The following LHCGR variants were observed in gnomAD, a reference collection of about 807,000 sequenced individuals.
The protein encoded by LHCGR is lutropin-choriogonadotropic hormone receptor.
Under a neutral mutation model 60.7 loss-of-function variants are expected in LHCGR, and 55 were observed. That is an observed-to-expected ratio of 0.91 (90% CI 0.73 to 1.13). The LOEUF (loss-of-function observed/expected upper bound fraction) is 1.13, where lower values mean the gene tolerates loss of function less well. Among genes scored for constraint, LHCGR ranks in the 50% most tolerant of loss-of-function variants. The pLI, the probability that LHCGR is intolerant of heterozygous loss-of-function variation, is 0.00. For missense variants in LHCGR, 862 were observed against 836.0 expected (o/e 1.03, Z -0.38); for synonymous variants, 337 against 316.5 (o/e 1.06, Z -0.69).
intron 7 of LHCGR, among the ~76,000 whole-genome samples, chr2:48,711,553 G>A (rs1489560167): frequency 2.6e-5 from 4 of 152,140 alleles, no homozygotes; most frequent in South Asian, 2.1e-4. Context: ...CATAGTTCAC[G>A]TCCATTTTGG....
intron 8 of LHCGR, among the ~76,000 whole-genome samples, chr2:48,703,457 T>G (rs1158198378): frequency 2.0e-5 from 3 of 152,136 alleles, no homozygotes; most frequent in Non-Finnish European, 4.4e-5. Context: ...GTATAAGGGT[T>G]TAAGGAAGGG....
At chr2:48,696,458 T>C (rs998261589) in intron 9 of LHCGR, among the ~76,000 whole-genome samples, 4 of 152,200 alleles carry the variant, frequency 2.6e-5, no homozygotes, top group African/African-American at 9.6e-5. Context: ...AAGTTTCAAA[T>C]AGACTTATAT....
chr2:48,704,662 C>G (rs555769861), intron 8 of LHCGR, among the ~76,000 whole-genome samples: 28 of 152,282 alleles, frequency 1.8e-4, no homozygotes, highest in Non-Finnish European at 2.9e-4. Context: ...TCTAGATTTT[C>G]TAGTTTATTT....
chr2:48,708,838 G>A lies in LHCGR; in HGVS notation c.680+110C>T, dbSNP rs543299776. Reference sequence around the variant, plus strand: ...CTTTCCAACAGCAGCCTTTTCAGGTGTAGAGGCTGATGTCTCACATATCAG... The same window carrying A: ...CTTTCCAACAGCAGCCTTTTCAGGTATAGAGGCTGATGTCTCACATATCAG... On this transcript the variant is annotated intron_variant, in intron 8 of 10. Transcript: ENST00000294954. The A allele has an allele frequency of 1.3e-5, 11 of 861,984 alleles. No individual in the cohort carries two copies. The East Asian group carries it at 2.4e-4, about 19-fold the overall frequency. The allele number at this position is 861,984 out of a possible 1,614,324, so 53.4% of individuals were successfully genotyped here.
At chr2:48,697,125 C>T (rs1450222241) in intron 9 of LHCGR, among the ~76,000 whole-genome samples, 9 of 152,172 alleles carry the variant, frequency 5.9e-5, no homozygotes, top group Non-Finnish European at 1.0e-4. Flanking sequence ...TTCCATGTGT[C>T]CATGTTTCAA....
Position 48,731,908 on chromosome 2 carries a change from A to G in LHCGR, c.162-610T>C, listed in dbSNP as rs182191129. On this transcript the variant is annotated intron_variant, in intron 1 of 10. Transcript: ENST00000294954. ...TCTTTCCCAGGTAGCCTATTTCAAT[A>G]TTATTCCAAAGAGACAACTTTGATC... 1.9e-4 allele frequency among the ~76,000 whole-genome samples: 29 copies of G among 152,316 alleles called. 1 individual carries two copies. Among genetic ancestry groups the G allele is most frequent in the Admixed American group, 1.4e-3 (21 of 15,300 alleles).
intron 1 of LHCGR, among the ~76,000 whole-genome samples, chr2:48,733,727 C>T (rs1471482042): frequency 6.6e-6 from 1 of 151,736 alleles, no homozygotes; most frequent in Non-Finnish European, 1.5e-5. Context: ...GAATGTGGTC[C>T]TGTGAATCGA....
rs998869890 is a variant in LHCGR, at chr2:48,705,176, C to T, written c.680+3772G>A. ...AGTAGTCATTCAGGAGCAGGTTGTTCAGTTTCTATGTAGTTGTGCGGTTTT... is the reference window on the plus strand; with the variant it reads ...AGTAGTCATTCAGGAGCAGGTTGTTTAGTTTCTATGTAGTTGTGCGGTTTT... On this transcript the variant is annotated intron_variant, in intron 8 of 10. Coordinates refer to ENST00000294954, the MANE Select transcript of LHCGR (RefSeq NM_000233.4). 2.6e-5 allele frequency among the ~76,000 whole-genome samples: 4 copies of T among 152,128 alleles called. 1 individual carries two copies. The South Asian group carries it at 6.2e-4, about 24-fold the overall frequency.
intron 10 of LHCGR, among the ~76,000 whole-genome samples, chr2:48,693,486 A>G (rs1443656365): frequency 6.6e-6 from 1 of 152,236 alleles, no homozygotes; most frequent in African/African-American, 2.4e-5. Context: ...GGAGATTGAT[A>G]GGAAAAGAAA....
chr2:48,715,679 T>G (rs1249402483), intron 6 of LHCGR, among the ~76,000 whole-genome samples: 1 of 152,164 alleles, frequency 6.6e-6, no homozygotes, highest in African/African-American at 2.4e-5. Context: ...CAACAGCATG[T>G]ATGTACTCTG....
chr2:48,749,258 G>C (rs965262932), intron 1 of LHCGR, among the ~76,000 whole-genome samples: 1 of 152,178 alleles, frequency 6.6e-6, no homozygotes, highest in East Asian at 1.9e-4. Flanking sequence ...GAGTACATGA[G>C]GACCCTGTGG....
chr2:48,688,909 G>T lies in LHCGR; in HGVS notation c.948-60C>A. 8 of 1,493,414 alleles carry T rather than the reference G, an allele frequency of 5.4e-6. No individual in the cohort carries two copies. The highest frequency in any genetic ancestry group is 7.4e-6 in the Non-Finnish European group (8 of 1,075,214). The allele number at this position is 1,493,414 out of a possible 1,614,324, so 92.5% of individuals were successfully genotyped here. The stretch of plus-strand genomic sequence containing the variant: ...TTTCTCTGAGTATTAAAAAATTCAA[G>T]AATTATGTTTCTTTAAAGGCAAAGA... On this transcript the variant is annotated intron_variant, in intron 10 of 10. Coordinates refer to ENST00000294954, the MANE Select transcript of LHCGR (RefSeq NM_000233.4). The surrounding 1 kb of genome is among the most constrained non-coding windows in gnomAD (Gnocchi z 5.2).
At chr2:48,733,234 A>C (rs60902262) in intron 1 of LHCGR, 1 of 211,124 alleles carries the variant, frequency 4.7e-6, no homozygotes, top group African/African-American at 2.3e-5. Context: ...TCAGCAGAAC[A>C]CTTCAGAGCT....
chr2:48,698,743 C>G lies in LHCGR; in HGVS notation c.738G>C (p.Gln246His), dbSNP rs1163199408. 1 of 1,614,110 alleles carries G rather than the reference C, an allele frequency of 6.2e-7. No individual in the cohort carries two copies. Among genetic ancestry groups the G allele is most frequent in the Admixed American group, 1.7e-5 (1 of 60,020 alleles). Residue 246 changes from glutamine to histidine, a missense_variant, in exon 9 of 11, where the codon CAG (glutamine) becomes CAC (histidine). By Grantham distance (24) the Gln-to-His change is conservative. Transcript: ENST00000294954. ...AATAGGATGACGTGGCAATTAGCCT[C>G]TGAATGGACTCTAGGCCATAGCTCG... ...ALPSYGLESI[Q>H]RLIATSSYSL...
Position 48,723,525 on chromosome 2 carries a change from C to T in LHCGR, c.467G>A (p.Cys156Tyr). The part of the protein sequence containing the change: ...SSESNFILEI[C>Y]DNLHITTIPG... ...TATGGTGGTTATGTGTAAGTTATCACAAATTTCCCTTGAGGAAAGAAATGA... is the reference window on the plus strand; with the variant it reads ...TATGGTGGTTATGTGTAAGTTATCATAAATTTCCCTTGAGGAAAGAAATGA... Residue 156 changes from cysteine (C) to tyrosine (Y), a missense_variant, in exon 6 of 11, where the codon TGT becomes TAT. Transcript: ENST00000294954. The T allele has an allele frequency of 6.2e-7, 1 of 1,612,786 alleles. No individual in the cohort carries two copies. The highest frequency in any genetic ancestry group is 8.5e-7 in the Non-Finnish European group (1 of 1,178,828).
At chr2:48,730,639 A>G (rs1193072838) in intron 2 of LHCGR, among the ~76,000 whole-genome samples, 1 of 152,172 alleles carries the variant, frequency 6.6e-6, no homozygotes, top group African/African-American at 2.4e-5. Flanking sequence ...GGCCCTTGAG[A>G]ACATTCTCTC....
At chr2:48,740,027 G>A (rs180831663) in intron 1 of LHCGR, among the ~76,000 whole-genome samples, 50 of 152,310 alleles carry the variant, frequency 3.3e-4, no homozygotes, top group Admixed American at 7.8e-4. Flanking sequence ...CACCTCACTC[G>A]GGAAGCGCGA....
In LHCGR at chr2:48,693,457, T is replaced by C. The variant is rs149999981; in HGVS notation, c.947+767A>G. ...CCAGGGTCATTCCACCGTACCAACC[T>C]GAAGCATCTGTCTAACTTGGAGATT... On this transcript the variant is annotated intron_variant, in intron 10 of 10. Transcript: ENST00000294954. 4.5e-3 allele frequency among the ~76,000 whole-genome samples: 687 copies of C among 152,272 alleles called. 3 individuals are homozygous for C. Among genetic ancestry groups the C allele is most frequent in the Non-Finnish European group, 6.6e-3 (452 of 68,016 alleles).
intron 1 of LHCGR, among the ~76,000 whole-genome samples, chr2:48,743,807 C>T (rs2103700339): frequency 6.6e-6 from 1 of 152,212 alleles, no homozygotes; most frequent in East Asian, 1.9e-4. Flanking sequence ...CCTCTCTCAC[C>T]ACTCCTATTC....
Sources: allele counts gnomAD v4.1 joint callset (sites outside exome capture counted in the v4.1 genomes callset), GRCh38; gene constraint gnomAD v4.1.1; non-coding constraint Gnocchi (gnomAD v3.1); transcripts MANE v1.5; gene names NCBI Gene and HGNC (gene_info 2026-07-23, HGNC 2026-07-21).